The following RBFOX1 variants were observed in gnomAD, a reference collection of about 807,000 sequenced individuals.
RBFOX1 encodes RNA binding protein fox-1 homolog 1.
A neutral mutation model predicts 57.7 loss-of-function variants in RBFOX1; 8 were observed. That is an observed-to-expected ratio of 0.14 (90% CI 0.08 to 0.25). RBFOX1 has a LOEUF of 0.25. Among genes scored for constraint, RBFOX1 ranks in the 10% least tolerant of loss-of-function variants. RBFOX1 has a pLI of 1.00. For missense variants in RBFOX1, 611 were observed against 548.5 expected (o/e 1.11, Z -1.14); for synonymous variants, 326 against 222.4 (o/e 1.47, Z -4.15).
intron 4 of RBFOX1, among the ~76,000 whole-genome samples, chr16:7,136,364 A>G (rs1393610827): frequency 6.6e-6 from 1 of 151,780 alleles, no homozygotes; most frequent in Non-Finnish European, 1.5e-5. Flanking sequence ...TATTGGAGCC[A>G]ATACCTAGTA....
At chr16:7,410,500 G>A (rs965547468) in intron 4 of RBFOX1, among the ~76,000 whole-genome samples, 10 of 152,138 alleles carry the variant, frequency 6.6e-5, no homozygotes, top group African/African-American at 2.2e-4. Context: ...TGACCAACAT[G>A]GAGAAACCCG....
At chr16:7,065,124 C>CTG (rs984762551) in intron 4 of RBFOX1, among the ~76,000 whole-genome samples, 1 of 152,184 alleles carries the variant, frequency 6.6e-6, no homozygotes, top group African/African-American at 2.4e-5. Context: ...GAGACCAATT[C>CTG]TGTATGGAGA....
chr16:5,439,233 A>G (rs62016392), intron 1 of RBFOX1, among the ~76,000 whole-genome samples: 1,815 of 152,190 alleles, frequency 0.012, 15 homozygotes, highest in Non-Finnish European at 0.017. Flanking sequence ...TCATTCCAGG[A>G]AGGGATAGAA....
chr16:6,629,063 C>G (rs910438142), intron 2 of RBFOX1, among the ~76,000 whole-genome samples: 1 of 152,128 alleles, frequency 6.6e-6, no homozygotes, highest in Non-Finnish European at 1.5e-5. Flanking sequence ...CATACTAAAC[C>G]TATGATTCCA....
intron 1 of RBFOX1, among the ~76,000 whole-genome samples, chr16:6,265,904 C>T (rs1026188269): frequency 4.6e-5 from 7 of 152,278 alleles, no homozygotes; most frequent in Non-Finnish European, 1.0e-4. Flanking sequence ...CTAGAAGAGT[C>T]ATACCACTTT....
At chr16:6,768,313 TAAAG>T (rs918637357) in intron 3 of RBFOX1, among the ~76,000 whole-genome samples, 7 of 151,658 alleles carry the variant, frequency 4.6e-5, no homozygotes, top group African/African-American at 1.7e-4. Context: ...TATATGACAA[TAAAG>T]AGTCTTATTA....
At position 6,303,857 on chromosome 16, in the gene RBFOX1, G is replaced by C. The variant is rs117244561; in HGVS notation, c.-126-13138G>C. Among the ~76,000 whole-genome samples the C allele has an allele frequency of 1.3e-3, 161 of 120,144 alleles. 1 individual carries two copies. The highest frequency in any genetic ancestry group is 2.3e-3 in the Non-Finnish European group (145 of 62,502). The allele number at this position is 120,144 out of a possible 152,430, so 78.8% of individuals were successfully genotyped here. ...GATGGAGTCTCACTGTGTCACCAAT[G>C]CTGGAGTGCAATGGCGCTATCTCAG... is the stretch of plus-strand genomic sequence containing the variant. On this transcript the variant is annotated intron_variant, in intron 1 of 15. Transcript: ENST00000550418.
chr16:6,374,876 C>G (rs192943469), intron 2 of RBFOX1, among the ~76,000 whole-genome samples: 140 of 152,308 alleles, frequency 9.2e-4, no homozygotes, highest in Middle Eastern at 3.4e-3. Context: ...ATAAAGATTT[C>G]TTAGCCTGTC....
chr16:6,692,036 T>A (rs1381314115), intron 3 of RBFOX1, among the ~76,000 whole-genome samples: 1 of 152,192 alleles, frequency 6.6e-6, no homozygotes, highest in Non-Finnish European at 1.5e-5. Flanking sequence ...GTTGACACCA[T>A]CATTTCAGTC....
intron 1 of RBFOX1, among the ~76,000 whole-genome samples, chr16:6,172,277 G>A (rs550135540): frequency 2.0e-5 from 3 of 151,346 alleles, no homozygotes; most frequent in Non-Finnish European, 3.0e-5. Flanking sequence ...CGGACAGCGG[G>A]GAGATACAAC....
intron 2 of RBFOX1, among the ~76,000 whole-genome samples, chr16:6,409,086 C>G (rs538082796): frequency 1.3e-5 from 2 of 152,154 alleles, no homozygotes; most frequent in South Asian, 4.1e-4. Flanking sequence ...CAGTCTCTCC[C>G]TACATACTAC....
intron 1 of RBFOX1, among the ~76,000 whole-genome samples, chr16:6,076,968 C>A (rs1272220416): frequency 6.6e-6 from 1 of 152,214 alleles, no homozygotes; most frequent in African/African-American, 2.4e-5. Context: ...GTGCTAGAAT[C>A]TGGAGGATCA....
At chr16:7,455,752 A>C (rs2150351520) in intron 4 of RBFOX1, among the ~76,000 whole-genome samples, 1 of 141,760 alleles carries the variant, frequency 7.1e-6, no homozygotes, top group East Asian at 2.1e-4. Flanking sequence ...GTGCCATTGC[A>C]CTCCAGCCTG....
chr16:6,863,058 C>G (rs2142754724), intron 3 of RBFOX1, among the ~76,000 whole-genome samples: 1 of 151,478 alleles, frequency 6.6e-6, no homozygotes, highest in East Asian at 2.0e-4. Context: ...GTGTTTGGTA[C>G]ATTATTCTAT....
At chr16:6,670,145 G>T (rs2098755124) in intron 3 of RBFOX1, among the ~76,000 whole-genome samples, 1 of 151,976 alleles carries the variant, frequency 6.6e-6, no homozygotes, top group Non-Finnish European at 1.5e-5. Flanking sequence ...TACCAAGTGG[G>T]CATGTTGTAC....
chr16:6,861,874 C>G (rs1346123738), intron 3 of RBFOX1, among the ~76,000 whole-genome samples: 2 of 99,500 alleles, frequency 2.0e-5, no homozygotes, highest in Non-Finnish European at 3.6e-5. Context: ...CTTGCACTTT[C>G]TCCCTGCCCA....
chr16:7,015,833 A>C (rs78717597), intron 3 of RBFOX1, among the ~76,000 whole-genome samples: 3,430 of 151,938 alleles, frequency 0.023, 136 homozygotes, highest in African/African-American at 0.078. Flanking sequence ...ATATTATTCC[A>C]CAATAAGCAA....
chr16:6,329,057 C>A, intron 2 of RBFOX1, among the ~76,000 whole-genome samples: 1 of 152,070 alleles, frequency 6.6e-6, no homozygotes, highest in South Asian at 2.1e-4. Flanking sequence ...CTCTGTGTGC[C>A]CTTTTCTACC....
At chr16:6,514,717 T>C (rs2096336496) in intron 2 of RBFOX1, among the ~76,000 whole-genome samples, 1 of 152,052 alleles carries the variant, frequency 6.6e-6, no homozygotes, top group African/African-American at 2.4e-5. Context: ...TCCATAGTCA[T>C]GAAGTTTCTA....
Sources: gnomAD v4.1 joint callset for allele counts (sites outside exome capture counted in the v4.1 genomes callset) on GRCh38, gnomAD v4.1.1 for gene constraint, MANE v1.5 for transcripts, NCBI Gene and HGNC (gene_info 2026-07-23, HGNC 2026-07-21) for gene names.